GAB3: variants seen among roughly 807,000 people sequenced by gnomAD.
GAB3 encodes GRB2-associated-binding protein 3.
A neutral mutation model predicts 40.4 loss-of-function variants in GAB3; 12 were observed. That is an observed-to-expected ratio of 0.30 (90% CI 0.19 to 0.48). The LOEUF is 0.48. GAB3 is among the 20% of genes least tolerant of loss of function. The probability of loss-of-function intolerance (pLI) is 0.99; values close to 1 mark genes in which losing one functional copy is unlikely to be tolerated. For synonymous variants in GAB3, 154 were observed against 176.7 expected, an observed-to-expected ratio of 0.87 and a Z score of 1.02; for missense variants, 381 against 461.9, an observed-to-expected ratio of 0.82 and a Z score of 1.61.
intron 1 of GAB3, among the ~76,000 whole-genome samples, chrX:154,733,789 A>G (rs1235279776): frequency 2.7e-5 from 3 of 111,975 alleles, no homozygotes; most frequent in African/African-American, 9.7e-5. Context: ...TTGATCTACA[A>G]TTTTCTTTTT....
chrX:154,694,209 C>G (rs782291176), intron 8 of GAB3, among the ~76,000 whole-genome samples: 1 of 111,613 alleles, frequency 9.0e-6, no homozygotes, highest in African/African-American at 3.3e-5. Context: ...ATGGGATAGC[C>G]TTTAAACATT....
intron 1 of GAB3, among the ~76,000 whole-genome samples, chrX:154,749,218 C>T (rs1470768738): frequency 8.9e-6 from 1 of 112,327 alleles, no homozygotes; most frequent in Non-Finnish European, 1.9e-5. Flanking sequence ...TAGGCACACA[C>T]ACTCATGCCT....
At chrX:154,735,211 A>G (rs782800774) in intron 1 of GAB3, among the ~76,000 whole-genome samples, 18 of 112,257 alleles carry the variant, frequency 1.6e-4, no homozygotes, top group Admixed American at 2.8e-4. Context: ...TCAGAAAGAA[A>G]CTAAATATCT....
At chrX:154,720,755 C>T (rs139605794) in intron 1 of GAB3, among the ~76,000 whole-genome samples, 1,291 of 111,460 alleles carry the variant, frequency 0.012, 14 homozygotes, top group African/African-American at 0.04. Flanking sequence ...CTTTCCTCTA[C>T]GTGAACTGTC....
intron 1 of GAB3, among the ~76,000 whole-genome samples, chrX:154,734,394 G>A (rs2148482318): frequency 8.9e-6 from 1 of 112,905 alleles, no homozygotes; most frequent in South Asian, 3.6e-4. Flanking sequence ...GAATTACTTG[G>A]ATAGAAATTC....
chrX:154,690,234 A>G (rs1266493810), intron 8 of GAB3, among the ~76,000 whole-genome samples: 1 of 110,713 alleles, frequency 9.0e-6, no homozygotes, highest in African/African-American at 3.3e-5. Flanking sequence ...CTGAAACTGG[A>G]TCCCTTCCTT....
chrX:154,693,918 A>C (rs1271267787), intron 8 of GAB3, among the ~76,000 whole-genome samples: 2 of 111,855 alleles, frequency 1.8e-5, no homozygotes, highest in Non-Finnish European at 3.8e-5. Flanking sequence ...AATTTTCTAT[A>C]ATTTCACAAA....
At chrX:154,746,143 G>C (rs1476636309) in intron 1 of GAB3, among the ~76,000 whole-genome samples, 1 of 110,753 alleles carries the variant, frequency 9.0e-6, no homozygotes, top group Non-Finnish European at 1.9e-5. Flanking sequence ...TTTCAATGGT[G>C]AGTTCTACCA....
At chrX:154,727,515 G>T (rs2071230509) in intron 1 of GAB3, among the ~76,000 whole-genome samples, 1 of 112,689 alleles carries the variant, frequency 8.9e-6, no homozygotes, top group Non-Finnish European at 1.9e-5. Flanking sequence ...CCTGGCACAG[G>T]ATAGTTGCTC....
At chrX:154,700,188 C>T (rs1171991948) in intron 4 of GAB3, 129 bp from the exon 5 acceptor site, 2 of 466,345 alleles carry the variant, frequency 4.3e-6, no homozygotes, top group African/African-American at 4.9e-5. Flanking sequence ...AACACATTTC[C>T]CCAACAGATG....
chrX:154,710,794 A>C (rs2070931023), intron 4 of GAB3, among the ~76,000 whole-genome samples: 1 of 112,628 alleles, frequency 8.9e-6, no homozygotes, highest in Non-Finnish European at 1.9e-5. Flanking sequence ...GCCTTCATGT[A>C]AAAGAACACA....
intron 1 of GAB3, among the ~76,000 whole-genome samples, chrX:154,720,518 C>T (rs983920015): frequency 6.7e-5 from 7 of 104,878 alleles, no homozygotes; most frequent in Non-Finnish European, 1.2e-4. Flanking sequence ...CCCAGCTACT[C>T]GGGAGGCTGA....
intron 3 of GAB3, 132 bp from the exon 4 acceptor site, chrX:154,712,833 ACT>A: frequency 2.5e-6 from 1 of 406,917 alleles, no homozygotes; most frequent in Middle Eastern, 6.1e-4. Context: ...CCTCTACAAC[ACT>A]CAGTTACACC....
intron 1 of GAB3, among the ~76,000 whole-genome samples, chrX:154,725,810 A>T (rs1419253567): frequency 9.0e-6 from 1 of 111,292 alleles, no homozygotes; most frequent in Non-Finnish European, 1.9e-5. Flanking sequence ...CATAATGGAG[A>T]GACCTGGAAC....
chrX:154,750,115 A>G (rs1473325732), intron 1 of GAB3, among the ~76,000 whole-genome samples: 1 of 112,849 alleles, frequency 8.9e-6, no homozygotes, highest in Non-Finnish European at 1.9e-5. Context: ...CAGCCTAAAA[A>G]AAGCAAGAAG....
At chrX:154,683,341 A>C (rs1424358796) in intron 8 of GAB3, among the ~76,000 whole-genome samples, 1 of 112,451 alleles carries the variant, frequency 8.9e-6, no homozygotes, top group African/African-American at 3.2e-5. Context: ...ATTCTGGAAA[A>C]GGGCTTGAGA....
At chrX:154,718,534 C>T (rs1557258084) in intron 1 of GAB3, among the ~76,000 whole-genome samples, 3 of 111,565 alleles carry the variant, frequency 2.7e-5, no homozygotes, top group Non-Finnish European at 3.8e-5. Context: ...AAAATTGATT[C>T]AGTAAATTCC....
intron 1 of GAB3, among the ~76,000 whole-genome samples, chrX:154,735,930 C>T (rs1196002421): frequency 8.9e-6 from 1 of 112,453 alleles, no homozygotes; most frequent in Non-Finnish European, 1.9e-5. Flanking sequence ...AGAGGCTGTA[C>T]ATTGTCCATC....
At chrX:154,709,306 T>A (rs1209615917) in intron 4 of GAB3, among the ~76,000 whole-genome samples, 5 of 95,241 alleles carry the variant, frequency 5.2e-5, no homozygotes, top group Non-Finnish European at 1.1e-4. Flanking sequence ...TTACCCAAAT[T>A]ACCCAGTCTC....
Sources: allele counts gnomAD v4.1 joint callset (sites outside exome capture counted in the v4.1 genomes callset), GRCh38; gene constraint gnomAD v4.1.1; transcripts MANE v1.5; gene names NCBI Gene and HGNC (gene_info 2026-07-23, HGNC 2026-07-21).